Variants in GARRE1 observed in about 807,000 individuals in gnomAD.
The protein encoded by GARRE1 is granule associated Rac and RHOG effector 1.
In GARRE1, 49 loss-of-function variants were observed where a neutral mutation model predicts 103.2. The observed-to-expected ratio is 0.47, with a 90% CI of 0.38 to 0.60. The LOEUF (loss-of-function observed/expected upper bound fraction) is 0.60. Ranked by LOEUF, GARRE1 falls within the 20% of genes least tolerant of loss-of-function variation. GARRE1 has a pLI of 0.00. For missense variants in GARRE1, 1,199 were observed against 1,370.5 expected (o/e 0.87, Z 1.98); for synonymous variants, 505 against 532.8 (o/e 0.95, Z 0.72).
At position 34,300,609 on chromosome 19, in the gene GARRE1, G is replaced by T. The variant is rs772727313; in HGVS notation, c.136G>T (p.Ala46Ser). The T allele has an allele frequency of 2.5e-6, 4 of 1,613,356 alleles. No homozygotes were observed. The highest frequency in any genetic ancestry group is 1.1e-5 in the South Asian group (1 of 91,082). ...ELGRALSAPL[A>S]STATTAPLGS... ...GGGCCGAGCACTGAGTGCTCCCCTG[G>T]CATCCACGGCCACCACTGCCCCCCT... Residue 46 changes from alanine to serine, a missense_variant, in exon 2 of 14, where the codon GCA becomes TCA. Transcript: ENST00000299505.
At chr19:34,325,617 C>T (rs1056972749) in intron 3 of GARRE1, among the ~76,000 whole-genome samples, 1 of 152,200 alleles carries the variant, frequency 6.6e-6, no homozygotes, top group South Asian at 2.1e-4. Flanking sequence ...TTCAGGGAAT[C>T]GTTACTTCTC....
chr19:34,351,465 C>T (rs376198003), intron 12 of GARRE1, 49 bp from the exon 13 acceptor site: 1 of 1,428,446 alleles, frequency 7.0e-7, no homozygotes. Flanking sequence ...TACAGGTGGG[C>T]TGGGCAGGAA....
chr19:34,326,179 T>C (rs1320928949), intron 3 of GARRE1, among the ~76,000 whole-genome samples: 3 of 152,242 alleles, frequency 2.0e-5, no homozygotes, highest in Non-Finnish European at 4.4e-5. Context: ...ACTGTGAGAC[T>C]CTTAGGCTTC....
chr19:34,274,574 T>A (rs564990946), intron 1 of GARRE1, among the ~76,000 whole-genome samples: 1 of 152,272 alleles, frequency 6.6e-6, no homozygotes, highest in African/African-American at 2.4e-5. Context: ...GGACTTTTGA[T>A]TTTGGGACCT....
chr19:34,320,064 G>A lies in GARRE1; in HGVS notation c.653G>A (p.Gly218Asp). ...SGSGGGLSGM[G>D]HTPEVEEAVR... ...AGTGGCGGCGGCTTATCTGGCATGG[G>A]CCACACACCTGAAGTAGAGGAAGCT... The change falls in exon 3 of 14, where the codon GGC (glycine) becomes GAC (aspartate). Residue 218 changes from glycine to aspartate, a missense_variant. By Grantham distance (94) the Gly-to-Asp change is moderately conservative. Transcript: ENST00000299505. 1.2e-6 allele frequency: 2 copies of A among 1,614,252 alleles called. No homozygotes were observed. Among genetic ancestry groups the A allele is most frequent in the Non-Finnish European group, 1.7e-6 (2 of 1,180,042 alleles).
At position 34,353,074 on chromosome 19, in the gene GARRE1, TC is replaced by T; in HGVS notation, c.*122del. ...CCCCTCAGAGGACCAGTGCGCCCCA[TC>T]CCAGGGAGGGTTCCTTGGGGACAAG... is the stretch of plus-strand genomic sequence containing the variant. On this transcript the variant is annotated 3_prime_UTR_variant, in exon 14 of 14. Transcript: ENST00000299505. 1.0e-6 allele frequency: 1 copy of T among 954,924 alleles called. No homozygotes were observed. Among genetic ancestry groups the T allele is most frequent in the Non-Finnish European group, 1.5e-6 (1 of 660,146 alleles). 59.2% of individuals were successfully genotyped at this position (954,924 alleles called of 1,614,324 possible).
chr19:34,261,632 G>C (rs1035497988), intron 1 of GARRE1, among the ~76,000 whole-genome samples: 2 of 152,160 alleles, frequency 1.3e-5, no homozygotes, highest in African/African-American at 4.8e-5. Flanking sequence ...CACAGCAAGA[G>C]GGGAGGACTC....
At chr19:34,284,943 G>T (rs147602828) in intron 1 of GARRE1, among the ~76,000 whole-genome samples, 123 of 152,266 alleles carry the variant, frequency 8.1e-4, no homozygotes, top group African/African-American at 2.9e-3. Context: ...TGTAGTCCCA[G>T]CTACTGGGGA....
intron 2 of GARRE1, among the ~76,000 whole-genome samples, chr19:34,318,088 T>C (rs567064269): frequency 6.6e-6 from 1 of 152,186 alleles, no homozygotes; most frequent in Non-Finnish European, 1.5e-5. Context: ...TTGTGTGCGG[T>C]TTTTTGTTTG....
rs755360296 is a variant in GARRE1 at position 34,341,462 on chromosome 19, G to C, written c.1528G>C (p.Glu510Gln). The change falls in exon 10 of 14, where the codon GAG becomes CAG. Residue 510 changes from glutamate (E) to glutamine (Q), a missense_variant. Glu to Gln is a conservative substitution (Grantham distance 29). Transcript: ENST00000299505. ...CTGCATACAGATCCAGCTGCAAAGG[G>C]AGATCTGTGATTTTGGCAACCAGGC... ...LPCIQIQLQR[E>Q]ICDFGNQADL... 4.3e-6 allele frequency: 7 copies of C among 1,613,698 alleles called. No individual in the cohort carries two copies. Among genetic ancestry groups the C allele is most frequent in the South Asian group, 3.3e-5 (3 of 91,062 alleles).
At chr19:34,265,978 G>A (rs892419080) in intron 1 of GARRE1, among the ~76,000 whole-genome samples, 1 of 152,228 alleles carries the variant, frequency 6.6e-6, no homozygotes, top group Non-Finnish European at 1.5e-5. Flanking sequence ...TTGGAAGTGC[G>A]TCGTTTCCAT....
In GARRE1 at chr19:34,331,486, C is replaced by T. The variant is rs150269129; in HGVS notation, c.1263+1139C>T. Among the ~76,000 whole-genome samples the T allele has an allele frequency of 3.3e-4, 50 of 152,166 alleles. No homozygotes were observed. In the East Asian group the frequency reaches 9.1e-3, roughly 28 times the overall value. On this transcript the variant is annotated intron_variant, in intron 7 of 13. Transcript: ENST00000299505. ...GTACCCCCATCCAGTCACTGTATAC[C>T]GCTGCTGTTTATCTCTTTCTTAGCA...
chr19:34,260,017 A>G (rs887452362), intron 1 of GARRE1, among the ~76,000 whole-genome samples: 1 of 152,174 alleles, frequency 6.6e-6, no homozygotes, highest in African/African-American at 2.4e-5. Context: ...GCCCTGGGGA[A>G]CTGTGAATCA....
intron 1 of GARRE1, among the ~76,000 whole-genome samples, chr19:34,291,422 T>C (rs1482795496): frequency 6.6e-6 from 1 of 152,346 alleles, no homozygotes; most frequent in African/African-American, 2.4e-5. Flanking sequence ...AGTAATACTT[T>C]TTTAAAAATT....
At chr19:34,335,723 G>A (rs563656997) in intron 8 of GARRE1, among the ~76,000 whole-genome samples, 2 of 152,198 alleles carry the variant, frequency 1.3e-5, no homozygotes, top group Admixed American at 1.3e-4. Flanking sequence ...ACAGGGTTTT[G>A]CCATGTTGGC....
chr19:34,352,848 A>ATGCCCC lies in GARRE1; in HGVS notation c.3106_3107insTGCCCC (p.Thr1036delinsMetProPro). 6.3e-7 allele frequency: 1 copy of ATGCCCC among 1,591,634 alleles called. No homozygotes were observed. Among genetic ancestry groups the ATGCCCC allele is most frequent in the Non-Finnish European group, 8.6e-7 (1 of 1,166,616 alleles). On this transcript the variant is annotated protein_altering_variant, in exon 14 of 14. Coordinates refer to ENST00000299505, the MANE Select transcript of GARRE1 (RefSeq NM_014686.5). ...TGCCGCTGCCTTCTCCTATGTGCAG[A>ATGCCCC]CCCCACCCCAGCCCCCACCCCCACC... is the stretch of plus-strand genomic sequence containing the variant.
intron 2 of GARRE1, among the ~76,000 whole-genome samples, chr19:34,304,119 G>T (rs1208162099): frequency 6.7e-6 from 1 of 150,352 alleles, no homozygotes; most frequent in East Asian, 1.9e-4. Flanking sequence ...TTTAGACAGA[G>T]TCTTGCTCTG....
chr19:34,350,765 T>A (rs2074232442), intron 12 of GARRE1, among the ~76,000 whole-genome samples: 1 of 152,028 alleles, frequency 6.6e-6, no homozygotes, highest in African/African-American at 2.4e-5. Flanking sequence ...GTATTTTTAG[T>A]AGAGACAGGG....
intron 2 of GARRE1, among the ~76,000 whole-genome samples, chr19:34,318,617 AG>A (rs1288149311): frequency 1.3e-5 from 2 of 152,212 alleles, no homozygotes; most frequent in Admixed American, 1.3e-4. Flanking sequence ...GAGCTGCAAA[AG>A]GTTTTTGTTG....
Sources: allele counts gnomAD v4.1 joint callset (sites outside exome capture counted in the v4.1 genomes callset), GRCh38; gene constraint gnomAD v4.1.1; transcripts MANE v1.5; gene names NCBI Gene and HGNC (gene_info 2026-07-23, HGNC 2026-07-21).